Variants in EPHA3 observed in about 807,000 individuals in gnomAD.
EPHA3 encodes the protein EPH receptor A3, also known as ephrin type-A receptor 3.
In EPHA3, 42 loss-of-function variants were observed where a neutral mutation model predicts 107.1. The ratio of observed to expected loss-of-function variants is 0.39; its 90% CI spans 0.31 to 0.51. The LOEUF (loss-of-function observed/expected upper bound fraction) is 0.51, where lower values mean the gene tolerates loss of function less well. Among genes scored for constraint, EPHA3 ranks in the 20% least tolerant of loss-of-function variants. The probability of loss-of-function intolerance (pLI) is 0.78; values close to 1 mark genes in which losing one functional copy is unlikely to be tolerated. For missense variants in EPHA3, 1,183 were observed against 1,211.2 expected, an observed-to-expected ratio of 0.98 and a Z score of 0.35; for synonymous variants, 461 against 424.8, an observed-to-expected ratio of 1.09 and a Z score of -1.05.
chr3:89,222,591 A>G (rs1295176103), intron 3 of EPHA3, among the ~76,000 whole-genome samples: 1 of 151,462 alleles, frequency 6.6e-6, no homozygotes, highest in Non-Finnish European at 1.5e-5. Flanking sequence ...AGCACTATAT[A>G]CTTAGTACAT....
At chr3:89,220,927 T>A (rs1259293146) in intron 3 of EPHA3, among the ~76,000 whole-genome samples, 1 of 152,218 alleles carries the variant, frequency 6.6e-6, no homozygotes, top group Non-Finnish European at 1.5e-5. Flanking sequence ...CTTCATTTAA[T>A]CCTCTCAACA....
intron 2 of EPHA3, among the ~76,000 whole-genome samples, chr3:89,138,665 A>G (rs1202740226): frequency 6.6e-6 from 1 of 151,862 alleles, no homozygotes; most frequent in Non-Finnish European, 1.5e-5. Flanking sequence ...GGAATCAGAA[A>G]GGGCACTGTA....
chr3:89,442,574 A>C (rs537162101), intron 13 of EPHA3, among the ~76,000 whole-genome samples: 1 of 152,308 alleles, frequency 6.6e-6, no homozygotes, highest in East Asian at 1.9e-4. Flanking sequence ...CGCACAGGAC[A>C]GCCGTCACAG....
chr3:89,410,653 T>C lies in EPHA3; in HGVS notation c.1763-2488T>C, dbSNP rs529905212. Among the ~76,000 whole-genome samples the C allele has an allele frequency of 3.3e-5, 5 of 152,084 alleles. No individual in the cohort carries two copies. In the South Asian group the frequency reaches 1.0e-3, roughly 32 times the overall value. On this transcript the variant is annotated intron_variant, in intron 9 of 16. Transcript: ENST00000336596. ...AACTGGAAGATCACACATTATAGGG[T>C]TGATCTGATATGAGTTTTCATCCTT...
chr3:89,438,609 CAT>C, intron 13 of EPHA3, among the ~76,000 whole-genome samples: 1 of 152,170 alleles, frequency 6.6e-6, no homozygotes. Context: ...ACAAAAGACA[CAT>C]ATTAATTTGA....
At chr3:89,280,389 A>G (rs1231461137) in intron 3 of EPHA3, among the ~76,000 whole-genome samples, 2 of 152,120 alleles carry the variant, frequency 1.3e-5, no homozygotes, top group Non-Finnish European at 2.9e-5. Context: ...CAGAGGTTGA[A>G]GTAAAAAAAT....
At chr3:89,385,267 A>G (rs560598396) in intron 5 of EPHA3, among the ~76,000 whole-genome samples, 3 of 152,316 alleles carry the variant, frequency 2.0e-5, no homozygotes, top group Admixed American at 2.0e-4. Context: ...GTTTATCAAT[A>G]TTAACCTCTT....
At chr3:89,210,595 G>T in intron 3 of EPHA3, 75 bp downstream of exon 3, 5 of 1,438,242 alleles carry the variant, frequency 3.5e-6, no homozygotes, top group Non-Finnish European at 4.6e-6. Context: ...TAAATGAAAT[G>T]CACTCAGTCT....
intron 3 of EPHA3, among the ~76,000 whole-genome samples, chr3:89,297,864 G>A (rs755859917): frequency 2.0e-5 from 3 of 151,964 alleles, no homozygotes; most frequent in African/African-American, 7.2e-5. Flanking sequence ...GCAAAACCCC[G>A]TCTCTACTAA....
intron 3 of EPHA3, among the ~76,000 whole-genome samples, chr3:89,292,541 G>A (rs1309396889): frequency 6.6e-6 from 1 of 152,036 alleles, no homozygotes; most frequent in African/African-American, 2.4e-5. Context: ...TACCTTTATT[G>A]AATAAAATGC....
At chr3:89,172,259 T>C (rs1705228003) in intron 2 of EPHA3, among the ~76,000 whole-genome samples, 2 of 152,130 alleles carry the variant, frequency 1.3e-5, no homozygotes, top group Non-Finnish European at 2.9e-5. Flanking sequence ...TGGCCCTTCA[T>C]TCACATGTCA....
chr3:89,416,502 T>C (rs1028540150), intron 10 of EPHA3, among the ~76,000 whole-genome samples: 1 of 151,410 alleles, frequency 6.6e-6, no homozygotes, highest in Non-Finnish European at 1.5e-5. Flanking sequence ...TGAGATACAA[T>C]TTACCAACCA....
At chr3:89,334,223 A>C (rs986440219) in intron 3 of EPHA3, among the ~76,000 whole-genome samples, 1 of 152,236 alleles carries the variant, frequency 6.6e-6, no homozygotes, top group Non-Finnish European at 1.5e-5. Context: ...CCATTTGACT[A>C]TAAAACCAAT....
intron 5 of EPHA3, among the ~76,000 whole-genome samples, chr3:89,380,431 T>G (rs2107483406): frequency 6.6e-6 from 1 of 152,298 alleles, no homozygotes; most frequent in South Asian, 2.1e-4. Flanking sequence ...AGCAGTTTAT[T>G]ATTTGTCACA....
intron 2 of EPHA3, among the ~76,000 whole-genome samples, chr3:89,160,589 T>TGTGTGTGTGTGTGTGTGTGG (rs371399940): frequency 6.9e-6 from 1 of 145,006 alleles, no homozygotes; most frequent in African/African-American, 2.6e-5. Context: ...TGTGTGTGTG[T>TGTGTGTGTGTGTGTGTGTGG]GCGCGCATTC....
rs111259596 is a variant in EPHA3 at position 89,131,168 on chromosome 3, T to C, written c.153+3895T>C. On this transcript the variant is annotated intron_variant, in intron 2 of 16. Transcript: ENST00000336596. ...CAATTCATTTTTCAATGAAAGAGTT[T>C]TATTTGACACTCATATAATCTGGCA... Among the ~76,000 whole-genome samples, 734 of 110,578 alleles carry C rather than the reference T, an allele frequency of 6.6e-3. 6 individuals carry two copies. Among genetic ancestry groups the C allele is most frequent in the African/African-American group, 0.02 (710 of 35,974 alleles). The allele number at this position is 110,578 out of a possible 152,430, so 72.5% of individuals were successfully genotyped here.
At chr3:89,416,813 T>C (rs1443846351) in intron 10 of EPHA3, among the ~76,000 whole-genome samples, 1 of 151,436 alleles carries the variant, frequency 6.6e-6, no homozygotes, top group African/African-American at 2.4e-5. Context: ...GTGTCCCACT[T>C]ACAACAAAGA....
chr3:89,296,580 A>C (rs1442025799), intron 3 of EPHA3, among the ~76,000 whole-genome samples: 1 of 152,178 alleles, frequency 6.6e-6, no homozygotes, highest in East Asian at 1.9e-4. Flanking sequence ...CCATTTGTAG[A>C]GCACAGGCAG....
At chr3:89,438,574 C>A (rs1403575532) in intron 13 of EPHA3, among the ~76,000 whole-genome samples, 9 of 152,028 alleles carry the variant, frequency 5.9e-5, no homozygotes, top group Non-Finnish European at 8.8e-5. Flanking sequence ...ACCAAAAAAA[C>A]CATGCTTATC....
Sources: gnomAD v4.1 joint callset for allele counts (sites outside exome capture counted in the v4.1 genomes callset) on GRCh38, gnomAD v4.1.1 for gene constraint, MANE v1.5 for transcripts, NCBI Gene and HGNC (gene_info 2026-07-23, HGNC 2026-07-21) for gene names.